The following SPATS2L variants were observed in gnomAD, a reference collection of about 807,000 sequenced individuals.
SPATS2L encodes the protein spermatogenesis associated serine rich 2 like.
SPATS2L carries 30 observed loss-of-function variants against 59.6 expected under a neutral mutation model. That is an observed-to-expected ratio of 0.50 (90% CI 0.38 to 0.68). SPATS2L has a LOEUF of 0.68. SPATS2L is among the 30% of genes least tolerant of loss of function. The pLI, the probability that SPATS2L is intolerant of heterozygous loss-of-function variation, is 0.00. For missense variants in SPATS2L, 615 were observed against 700.0 expected (o/e 0.88, Z 1.37); for synonymous variants, 252 against 263.5 (o/e 0.96, Z 0.42).
intron 1 of SPATS2L, among the ~76,000 whole-genome samples, chr2:200,312,574 AATTATATAC>A (rs535925215): frequency 1.0e-3 from 159 of 152,330 alleles, no homozygotes; most frequent in Non-Finnish European, 1.3e-3. Flanking sequence ...TATCTTATTT[AATTATATAC>A]ATTCTCTCCT....
In SPATS2L at chr2:200,398,621, T is replaced by C. The variant is rs1375225094; in HGVS notation, c.39+9338T>C. 3.3e-5 allele frequency among the ~76,000 whole-genome samples: 5 copies of C among 152,312 alleles called. No homozygotes were observed. The East Asian group carries it at 9.7e-4, about 29-fold the overall frequency. ...TCCTTTGTGTACAATGTGTATACAT[T>C]GTATTTATTCACTTGGCTTCAATGT... On this transcript the variant is annotated intron_variant, in intron 3 of 12. Transcript: ENST00000409140.
intron 2 of SPATS2L, among the ~76,000 whole-genome samples, chr2:200,337,179 T>C (rs2080170774): frequency 6.6e-6 from 1 of 152,212 alleles, no homozygotes; most frequent in African/African-American, 2.4e-5. Flanking sequence ...AAACTTCTAT[T>C]GGCAGCCACT....
intron 2 of SPATS2L, among the ~76,000 whole-genome samples, chr2:200,355,121 C>T (rs1416112570): frequency 6.6e-6 from 1 of 152,138 alleles, no homozygotes; most frequent in African/African-American, 2.4e-5. Flanking sequence ...CTTTTGTTTC[C>T]CCTCTTTGCC....
chr2:200,367,258 A>T (rs2081293723), intron 2 of SPATS2L, among the ~76,000 whole-genome samples: 1 of 151,566 alleles, frequency 6.6e-6, no homozygotes. Context: ...TTTTTCCCCC[A>T]CTCTCTCTTT....
chr2:200,427,484 T>C (rs999247060), intron 6 of SPATS2L, among the ~76,000 whole-genome samples: 1 of 148,772 alleles, frequency 6.7e-6, no homozygotes, highest in Non-Finnish European at 1.5e-5. Context: ...TGCATATACA[T>C]ATATAAAATA....
chr2:200,340,161 T>G (rs1395498128), intron 2 of SPATS2L, among the ~76,000 whole-genome samples: 1 of 152,214 alleles, frequency 6.6e-6, no homozygotes, highest in African/African-American at 2.4e-5. Flanking sequence ...GGCTGAGCAA[T>G]CGCTCATCCT....
intron 8 of SPATS2L, among the ~76,000 whole-genome samples, chr2:200,454,641 A>G (rs1476105051): frequency 3.9e-5 from 6 of 152,222 alleles, no homozygotes; most frequent in Non-Finnish European, 8.8e-5. Context: ...TTTGATAATA[A>G]AAGCTTTTTT....
chr2:200,419,505 T>C lies in SPATS2L; in HGVS notation c.445+9T>C, dbSNP rs1559115212. ...ACTTCGTGGGGTCACAGGTCAGTAA[T>C]GCTTAAGTAAAATTGCTTAGGAAGG... On this transcript the variant is annotated intron_variant, in intron 6 of 12. Coordinates refer to ENST00000409140, the MANE Select transcript of SPATS2L (RefSeq NM_001100423.2). 2.5e-6 allele frequency: 4 copies of C among 1,612,564 alleles called. No homozygotes were observed. The highest frequency in any genetic ancestry group is 1.1e-5 in the South Asian group (1 of 91,002).
intron 1 of SPATS2L, among the ~76,000 whole-genome samples, chr2:200,309,502 T>C (rs1276559593): frequency 6.6e-6 from 1 of 152,266 alleles, no homozygotes; most frequent in Non-Finnish European, 1.5e-5. Context: ...TTGACTGTGA[T>C]AATTAAATCA....
chr2:200,392,961 G>T (rs2082215584), intron 3 of SPATS2L: 3 of 326,240 alleles, frequency 9.2e-6, no homozygotes, highest in South Asian at 2.6e-5. Context: ...AGCGGAGTTT[G>T]TTTTTTCCTA....
At chr2:200,332,983 T>A (rs965216967) in intron 2 of SPATS2L, among the ~76,000 whole-genome samples, 2 of 152,098 alleles carry the variant, frequency 1.3e-5, no homozygotes, top group African/African-American at 4.8e-5. Context: ...AGACATGATG[T>A]TGAAAGACAG....
At chr2:200,373,159 C>T (rs1212818780) in intron 2 of SPATS2L, 1 of 149,362 alleles carries the variant, frequency 6.7e-6, no homozygotes, top group African/African-American at 2.5e-5. Flanking sequence ...CTTTAGGATT[C>T]TTCAAAAACT....
At chr2:200,457,762 G>A (rs891936170) in intron 8 of SPATS2L, among the ~76,000 whole-genome samples, 1 of 152,228 alleles carries the variant, frequency 6.6e-6, no homozygotes, top group Non-Finnish European at 1.5e-5. Context: ...TCAGCACACA[G>A]TCCTTTACTC....
chr2:200,482,099 A>G lies in SPATS2L; in HGVS notation c.*4068A>G, dbSNP rs1283262062. ...AGCATTTCCTTGAAAGTACTGAGCC[A>G]TCTCAATTGCTCTGATTTTGTGAGA... On this transcript the variant is annotated 3_prime_UTR_variant, in exon 13 of 13. Coordinates refer to ENST00000409140, the MANE Select transcript of SPATS2L (RefSeq NM_001100423.2). The G allele has an allele frequency of 6.6e-6, 1 of 152,236 alleles. No individual in the cohort carries two copies. The highest frequency in any genetic ancestry group is 6.5e-5 in the Admixed American group (1 of 15,286). The allele number at this position is 152,236 out of a possible 1,614,324, so 9.4% of individuals were successfully genotyped here.
rs150841713 is a variant in SPATS2L, at chr2:200,328,605, C to T, written c.-72-826C>T. Among the ~76,000 whole-genome samples, 76 of 152,258 alleles carry T rather than the reference C, an allele frequency of 5.0e-4. No homozygotes were observed. The East Asian group carries it at 0.013, about 25-fold the overall frequency. On this transcript the variant is annotated intron_variant, in intron 1 of 12. Coordinates refer to ENST00000409140, the MANE Select transcript of SPATS2L (RefSeq NM_001100423.2). ...CCCCTTCTTTCCAGTGCCTCCCTCG[C>T]GGTTGTTCTCCAGTCATTTTGTGGA...
At position 200,428,071 on chromosome 2, in the gene SPATS2L, AAC is replaced by A. The variant is rs759846393; in HGVS notation, c.445+8577_445+8578del. Among the ~76,000 whole-genome samples the A allele has an allele frequency of 1.6e-3, 212 of 129,250 alleles. 2 individuals carry two copies. Among genetic ancestry groups the A allele is most frequent in the South Asian group, 4.6e-3 (17 of 3,684 alleles). The allele number at this position is 129,250 out of a possible 152,430, so 84.8% of individuals were successfully genotyped here. On this transcript the variant is annotated intron_variant, in intron 6 of 12. Transcript: ENST00000409140. ...GGTGACAGCGAGACCGTGTCTCAAA[AAC>A]AAAAAAAAAAAGGAGTTTTCTTGAG... is the stretch of plus-strand genomic sequence containing the variant.
intron 8 of SPATS2L, among the ~76,000 whole-genome samples, chr2:200,444,954 A>G (rs1432333768): frequency 1.3e-5 from 2 of 152,022 alleles, no homozygotes; most frequent in African/African-American, 4.8e-5. Flanking sequence ...ATAACCATGT[A>G]TCCTCCCTCT....
intron 2 of SPATS2L, among the ~76,000 whole-genome samples, chr2:200,341,314 A>G (rs1183746652): frequency 6.6e-6 from 1 of 152,228 alleles, no homozygotes; most frequent in African/African-American, 2.4e-5. Context: ...CCACTGAACT[A>G]AACTCAATAA....
chr2:200,446,497 C>T (rs117299869), intron 8 of SPATS2L, among the ~76,000 whole-genome samples: 1 of 152,262 alleles, frequency 6.6e-6, no homozygotes, highest in East Asian at 1.9e-4. Flanking sequence ...TTGGTTGTCA[C>T]AGCCACAGGG....
Sources: gnomAD v4.1 joint callset for allele counts (sites outside exome capture counted in the v4.1 genomes callset) on GRCh38, gnomAD v4.1.1 for gene constraint, MANE v1.5 for transcripts, NCBI Gene and HGNC (gene_info 2026-07-23, HGNC 2026-07-21) for gene names.